Variants in EPHA6 observed in about 807,000 individuals in gnomAD.
EPHA6 encodes EPH receptor A6.
In EPHA6, 50 loss-of-function variants were observed where a neutral mutation model predicts 112.0. The observed-to-expected ratio is 0.45, with a 90% CI of 0.36 to 0.56. EPHA6 has a LOEUF of 0.56. Among genes scored for constraint, EPHA6 ranks in the 20% least tolerant of loss-of-function variants. EPHA6 has a pLI of 0.00. For synonymous variants in EPHA6, 529 were observed against 490.7 expected (o/e 1.08, Z -1.03); for missense variants, 1,280 against 1,417.4 (o/e 0.90, Z 1.56).
chr3:97,231,088 C>T (rs935685186), intron 4 of EPHA6, among the ~76,000 whole-genome samples: 2 of 152,028 alleles, frequency 1.3e-5, no homozygotes, highest in South Asian at 2.1e-4. Flanking sequence ...TTTTGAGTGG[C>T]GTATTCTGGT....
chr3:96,850,184 T>G (rs928882573), intron 1 of EPHA6, among the ~76,000 whole-genome samples: 8 of 152,072 alleles, frequency 5.3e-5, no homozygotes, highest in African/African-American at 1.9e-4. Flanking sequence ...AGGGCTACTT[T>G]AGTGCAGGGG....
chr3:97,306,142 T>C (rs1052742312), intron 5 of EPHA6, among the ~76,000 whole-genome samples: 58 of 151,998 alleles, frequency 3.8e-4, no homozygotes, highest in East Asian at 1.9e-4. Context: ...CTGATGGCAA[T>C]GTGAATTGAT....
chr3:97,498,749 C>A (rs1274509151), intron 10 of EPHA6, among the ~76,000 whole-genome samples: 2 of 152,154 alleles, frequency 1.3e-5, no homozygotes, highest in African/African-American at 2.4e-5. Flanking sequence ...GGAGAACAAA[C>A]CCTATTGTGA....
chr3:97,245,098 T>A lies in EPHA6; in HGVS notation c.1606+811T>A, dbSNP rs189828291. Among the ~76,000 whole-genome samples, 12 of 152,112 alleles carry A rather than the reference T, an allele frequency of 7.9e-5. No individual in the cohort carries two copies. In the East Asian group the frequency reaches 1.9e-3, roughly 24 times the overall value. On this transcript the variant is annotated intron_variant, in intron 5 of 17. Coordinates refer to ENST00000389672, the MANE Select transcript of EPHA6 (RefSeq NM_001080448.3). ...TAAATGAACACATATATGAGAAAAA[T>A]TTATAAAGATAAAACTATTTTTATA...
chr3:97,745,401 C>T (rs1309681144), intron 16 of EPHA6: 1 of 451,396 alleles, frequency 2.2e-6, no homozygotes, highest in African/African-American at 2.0e-5. Flanking sequence ...AATGAAACAG[C>T]CCACAATCAA....
chr3:97,742,690 A>G (rs1360458512), intron 16 of EPHA6, among the ~76,000 whole-genome samples: 1 of 152,188 alleles, frequency 6.6e-6, no homozygotes, highest in Non-Finnish European at 1.5e-5. Context: ...TATATAGTAT[A>G]TGTCTACGCA....
At chr3:97,442,663 T>C (rs1463567952) in intron 6 of EPHA6, among the ~76,000 whole-genome samples, 1 of 152,134 alleles carries the variant, frequency 6.6e-6, no homozygotes, top group Middle Eastern at 3.2e-3. Flanking sequence ...AATATATTTA[T>C]GTTTGCCCCT....
intron 3 of EPHA6, among the ~76,000 whole-genome samples, chr3:97,078,548 A>G (rs764243045): frequency 1.7e-4 from 26 of 152,266 alleles, no homozygotes; most frequent in Non-Finnish European, 3.4e-4. Context: ...TAAGTCTTTA[A>G]TCCATCTTGA....
intron 3 of EPHA6, among the ~76,000 whole-genome samples, chr3:97,020,133 A>T (rs2044402319): frequency 6.6e-6 from 1 of 152,164 alleles, no homozygotes; most frequent in Non-Finnish European, 1.5e-5. Context: ...CTCTGTCAAT[A>T]CCAGGAGCTT....
intron 5 of EPHA6, among the ~76,000 whole-genome samples, chr3:97,396,163 C>G (rs1046497205): frequency 2.0e-5 from 3 of 151,448 alleles, no homozygotes; most frequent in African/African-American, 7.3e-5. Flanking sequence ...TACTAAGATT[C>G]TATTTTGTAG....
chr3:97,720,862 C>T (rs909842853), intron 15 of EPHA6, among the ~76,000 whole-genome samples: 3 of 152,236 alleles, frequency 2.0e-5, no homozygotes, highest in Admixed American at 1.3e-4. Flanking sequence ...CCATCTAGTA[C>T]GGTTCTTTTG....
At chr3:97,209,985 A>G (rs1416434532) in intron 3 of EPHA6, among the ~76,000 whole-genome samples, 1 of 152,188 alleles carries the variant, frequency 6.6e-6, no homozygotes, top group Non-Finnish European at 1.5e-5. Flanking sequence ...TGTGTAATAC[A>G]TTTTTATTTC....
At chr3:97,447,748 C>T in intron 6 of EPHA6, 1 of 1,013,164 alleles carries the variant, frequency 9.9e-7, no homozygotes, top group Non-Finnish European at 1.2e-6. Flanking sequence ...AAGTTCACTT[C>T]CATTTAGTGA....
chr3:97,199,441 A>G (rs533092343), intron 3 of EPHA6, among the ~76,000 whole-genome samples: 1 of 152,254 alleles, frequency 6.6e-6, no homozygotes, highest in East Asian at 1.9e-4. Flanking sequence ...AGAGATTCTG[A>G]TTTAATTGGC....
chr3:96,908,306 A>G (rs1018857521), intron 2 of EPHA6, among the ~76,000 whole-genome samples: 4 of 151,972 alleles, frequency 2.6e-5, no homozygotes, highest in Admixed American at 6.6e-5. Context: ...TTATTTAACT[A>G]ACTACTAATT....
chr3:97,724,006 AC>A lies in EPHA6; in HGVS notation c.2934+3597del, dbSNP rs2034644364. The stretch of plus-strand genomic sequence containing the variant: ...TGATCAAAATACAGTATTACATTTG[AC>A]TTTTACCAAGCAAGGCCTCTTTTAA... On this transcript the variant is annotated intron_variant, in intron 15 of 17. Transcript: ENST00000389672. 1.3e-5 allele frequency among the ~76,000 whole-genome samples: 2 copies of A among 152,146 alleles called. 1 individual carries two copies. Among genetic ancestry groups the A allele is most frequent in the South Asian group, 4.1e-4 (2 of 4,834 alleles).
chr3:97,494,690 A>T (rs1429522442), intron 10 of EPHA6, among the ~76,000 whole-genome samples: 2 of 146,056 alleles, frequency 1.4e-5, no homozygotes, highest in Non-Finnish European at 3.0e-5. Context: ...ATTTGTGAGT[A>T]AAAAAAAAAA....
At chr3:96,960,582 G>C (rs1168165917) in intron 2 of EPHA6, among the ~76,000 whole-genome samples, 1 of 152,186 alleles carries the variant, frequency 6.6e-6, no homozygotes, top group Non-Finnish European at 1.5e-5. Flanking sequence ...GAGTTTTCAT[G>C]ATGGAGTGTT....
intron 1 of EPHA6, among the ~76,000 whole-genome samples, chr3:96,839,227 GTGAGCAT>G (rs1449259377): frequency 6.6e-6 from 1 of 152,112 alleles, no homozygotes; most frequent in Non-Finnish European, 1.5e-5. Context: ...ATAGCAGGAG[GTGAGCAT>G]TGGGCAAGCA....
Sources: allele counts gnomAD v4.1 joint callset (sites outside exome capture counted in the v4.1 genomes callset), GRCh38; gene constraint gnomAD v4.1.1; transcripts MANE v1.5; gene names NCBI Gene and HGNC (gene_info 2026-07-23, HGNC 2026-07-21).